Variants in YIPF6 observed in about 807,000 individuals in gnomAD.
The protein encoded by YIPF6 is Yip1 domain family member 6.
In YIPF6, 3 loss-of-function variants were observed where a neutral mutation model predicts 16.8. The ratio of observed to expected loss-of-function variants is 0.18; its 90% CI spans 0.08 to 0.46. YIPF6 has a LOEUF of 0.46. Ranked by LOEUF, YIPF6 falls within the 20% of genes least tolerant of loss-of-function variation. YIPF6 has a pLI of 0.98. For synonymous variants in YIPF6, 67 were observed against 61.9 expected, an observed-to-expected ratio of 1.08 and a Z score of -0.38; for missense variants, 145 against 184.9, an observed-to-expected ratio of 0.78 and a Z score of 1.25.
intron 6 of YIPF6, among the ~76,000 whole-genome samples, chrX:68,524,046 CAG>C (rs1322997341): frequency 8.9e-6 from 1 of 111,914 alleles, no homozygotes; most frequent in East Asian, 2.8e-4. Context: ...CACAATCTAA[CAG>C]AGCAGCCCGA....
At chrX:68,530,080 C>T (rs2079164953) in intron 6 of YIPF6, among the ~76,000 whole-genome samples, 1 of 112,107 alleles carries the variant, frequency 8.9e-6, no homozygotes. Flanking sequence ...CTCCATCCCC[C>T]AGGTGCTCTG....
chrX:68,510,591 TTTATTTTA>T (rs1348559882), intron 1 of YIPF6: 12 of 80,400 alleles, frequency 1.5e-4, no homozygotes, highest in South Asian at 4.3e-4. Context: ...TTATATTTTA[TTTATTTTA>T]TTTATTTATT....
At chrX:68,504,475 C>T (rs1297547407) in intron 1 of YIPF6, among the ~76,000 whole-genome samples, 4 of 111,511 alleles carry the variant, frequency 3.6e-5, no homozygotes, top group South Asian at 3.8e-4. Context: ...GTACAAACTA[C>T]GTAAGGGCCT....
intron 6 of YIPF6, among the ~76,000 whole-genome samples, chrX:68,525,699 A>G (rs1352207001): frequency 1.8e-5 from 2 of 112,169 alleles, no homozygotes; most frequent in African/African-American, 6.5e-5. Context: ...AGTTTTCTGC[A>G]TATGGCTAGC....
chrX:68,500,959 T>C (rs944288197), intron 1 of YIPF6, among the ~76,000 whole-genome samples: 5 of 112,148 alleles, frequency 4.5e-5, no homozygotes, highest in African/African-American at 1.6e-4. Context: ...GACATTGTCA[T>C]AGGTGCTTAG....
At chrX:68,530,744 C>A (rs2079167808) in intron 6 of YIPF6, among the ~76,000 whole-genome samples, 1 of 110,900 alleles carries the variant, frequency 9.0e-6, no homozygotes, top group Non-Finnish European at 1.9e-5. Flanking sequence ...CTTGTGCTTC[C>A]TAGGTGAGGC....
In YIPF6 at chrX:68,505,574, G is replaced by C. The variant is rs956666714; in HGVS notation, c.58-6275G>C. Among the ~76,000 whole-genome samples, 14 of 112,350 alleles carry C rather than the reference G, an allele frequency of 1.2e-4. 1 individual carries two copies. Among genetic ancestry groups the C allele is most frequent in the African/African-American group, 4.5e-4 (14 of 30,980 alleles). ...CCAATGCCAGATTACAGAGGATTAAGTGCGAAAGTAAAGTTTGATCAAGCA... is the reference window on the plus strand; with the variant it reads ...CCAATGCCAGATTACAGAGGATTAACTGCGAAAGTAAAGTTTGATCAAGCA... On this transcript the variant is annotated intron_variant, in intron 1 of 6. Transcript: ENST00000462683.
intron 1 of YIPF6, 113 bp downstream of exon 1, chrX:68,499,236 C>T (rs1386795594): frequency 1.0e-6 from 1 of 958,955 alleles, no homozygotes; most frequent in African/African-American, 2.0e-5. Context: ...CCCGGCAGGC[C>T]CTTCTTGTAC....
Position 68,533,445 on chromosome X carries a change from G to A in YIPF6, c.*1446G>A, listed in dbSNP as rs921632201. 9.0e-6 allele frequency: 1 copy of A among 111,414 alleles called. No homozygotes were observed. The highest frequency in any genetic ancestry group is 3.8e-4 in the South Asian group (1 of 2,648). The allele number at this position is 111,414 out of a possible 1,213,427, so 9.2% of individuals were successfully genotyped here. A position where few individuals can be genotyped will look rare whatever the true frequency, so the allele number is the denominator to read the frequency against. On this transcript the variant is annotated 3_prime_UTR_variant, in exon 7 of 7. Transcript: ENST00000462683. ...ATATACTATTAGTTGATAAACATAG[G>A]ACTTTCTTATTCCCCAGTTTTTCTT...
intron 1 of YIPF6, among the ~76,000 whole-genome samples, chrX:68,501,132 C>T (rs2079039785): frequency 8.9e-6 from 1 of 111,966 alleles, no homozygotes; most frequent in South Asian, 3.7e-4. Context: ...GTGCTAGTTG[C>T]TGTAGGGAAT....
At chrX:68,524,674 C>T (rs954704087) in intron 6 of YIPF6, among the ~76,000 whole-genome samples, 5 of 108,884 alleles carry the variant, frequency 4.6e-5, no homozygotes, top group Admixed American at 4.0e-4. Context: ...CTCCCCTAGC[C>T]CCCCCAGCCT....
chrX:68,523,077 G>A (rs1210273833), intron 6 of YIPF6, among the ~76,000 whole-genome samples, 160 bp downstream of exon 6: 8 of 109,218 alleles, frequency 7.3e-5, no homozygotes, highest in Non-Finnish European at 1.5e-4. Flanking sequence ...GCAATGATGG[G>A]GCTTATCTGA....
intron 6 of YIPF6, among the ~76,000 whole-genome samples, chrX:68,526,476 T>C (rs1449266928): frequency 4.5e-5 from 5 of 111,857 alleles, no homozygotes; most frequent in Admixed American, 1.9e-4. Context: ...CCTTTATTTC[T>C]TTCTCTTGCC....
chrX:68,517,050 G>A (rs1450907109), intron 3 of YIPF6, among the ~76,000 whole-genome samples: 1 of 111,425 alleles, frequency 9.0e-6, no homozygotes, highest in Admixed American at 9.6e-5. Flanking sequence ...TCAAACTCCT[G>A]ACCTTAAGTG....
intron 2 of YIPF6, among the ~76,000 whole-genome samples, chrX:68,512,572 G>A (rs1336226949): frequency 2.7e-5 from 3 of 112,086 alleles, no homozygotes; most frequent in Admixed American, 9.5e-5. Flanking sequence ...CAACATTAAA[G>A]TATCAATATA....
rs766641135 is a variant in YIPF6, at chrX:68,499,090, A to T, written c.24A>T (p.Pro8=). 13 of 1,188,971 alleles carry T rather than the reference A, an allele frequency of 1.1e-5. No homozygotes were observed. Among genetic ancestry groups the T allele is most frequent in the South Asian group, 1.8e-5 (1 of 54,060 alleles). MAEAEES[P]GDPGTASPRP... The stretch of plus-strand genomic sequence containing the variant: ...AGATGGCGGAAGCGGAGGAGTCTCC[A>T]GGAGACCCGGGGACAGCATCGCCCA... The change falls in exon 1 of 7, where the codon CCA becomes CCT. Residue 8 remains proline (P), a synonymous_variant. Transcript: ENST00000462683.
chrX:68,522,836 G>T lies in YIPF6; in HGVS notation c.511G>T (p.Val171Leu). The T allele has an allele frequency of 1.7e-6, 2 of 1,211,109 alleles. No homozygotes were observed. The highest frequency in any genetic ancestry group is 2.2e-6 in the Non-Finnish European group (2 of 895,359). Residue 171 changes from valine (V) to leucine (L), a missense_variant, in exon 6 of 7, where the codon GTA (valine) becomes TTA (leucine). Physicochemically the swap from Val to Leu is conservative, Grantham distance 32. Coordinates refer to ENST00000462683, the MANE Select transcript of YIPF6 (RefSeq NM_173834.4). ...AGTAGCAATGCTGATTTGCCGGCTG[G>T]TACTTTTGGCTGATCCAGGACCTGT... The part of the protein sequence containing the change: ...LTVAMLICRL[V>L]LLADPGPVNF...
intron 2 of YIPF6, among the ~76,000 whole-genome samples, chrX:68,512,770 A>G (rs910208361): frequency 9.0e-6 from 1 of 110,998 alleles, no homozygotes; most frequent in Non-Finnish European, 1.9e-5. Flanking sequence ...AAACAGAATT[A>G]GCTCAGTGGT....
chrX:68,512,656 T>C (rs1012989478), intron 2 of YIPF6, among the ~76,000 whole-genome samples: 2 of 111,281 alleles, frequency 1.8e-5, no homozygotes, highest in Admixed American at 1.9e-4. Flanking sequence ...GAGGTATTGG[T>C]TAGGTAAATT....
Sources: allele counts gnomAD v4.1 joint callset (sites outside exome capture counted in the v4.1 genomes callset), GRCh38; gene constraint gnomAD v4.1.1; transcripts MANE v1.5; gene names NCBI Gene and HGNC (gene_info 2026-07-23, HGNC 2026-07-21).